Variants in REC114 observed in about 807,000 individuals in gnomAD.
REC114 encodes the protein REC114 meiotic recombination protein.
REC114 carries 27 observed loss-of-function variants against 31.3 expected under a neutral mutation model. The observed-to-expected ratio is 0.86, with a 90% CI of 0.64 to 1.19. The LOEUF is 1.19. REC114 is among the 50% of genes most tolerant of loss of function. The pLI is 0.00. For missense variants in REC114, 344 were observed against 326.9 expected, an observed-to-expected ratio of 1.05 and a Z score of -0.40; for synonymous variants, 134 against 127.7, an observed-to-expected ratio of 1.05 and a Z score of -0.33.
At chr15:73,522,639 G>T (rs1893951831) in intron 2 of REC114, among the ~76,000 whole-genome samples, 1 of 152,076 alleles carries the variant, frequency 6.6e-6, no homozygotes, top group Non-Finnish European at 1.5e-5. Flanking sequence ...CTGTTGAGTT[G>T]TATATCACTA....
chr15:73,498,629 T>A (rs1893560686), intron 2 of REC114, among the ~76,000 whole-genome samples: 1 of 152,174 alleles, frequency 6.6e-6, no homozygotes, highest in South Asian at 2.1e-4. Context: ...TTGTTCAACA[T>A]TTGTAACTAA....
At chr15:73,535,415 T>TC (rs200126222) in intron 2 of REC114, among the ~76,000 whole-genome samples, 17,266 of 151,680 alleles carry the variant, frequency 0.11, 1,358 homozygotes, top group African/African-American at 0.22. Flanking sequence ...ATGAGTGAAC[T>TC]CCATTCACAA....
rs189609079 is a variant in REC114 at position 73,549,556 on chromosome 15, T to C, written c.334-1382T>C. Among the ~76,000 whole-genome samples the C allele has an allele frequency of 5.3e-5, 8 of 152,300 alleles. No homozygotes were observed. In the East Asian group the frequency reaches 1.2e-3, roughly 22 times the overall value. ...TTTTCCATGATGTGATTATTACTCATTGAATGCCTGTATCAAAACATCTCA... is the reference window on the plus strand; with the variant it reads ...TTTTCCATGATGTGATTATTACTCACTGAATGCCTGTATCAAAACATCTCA... On this transcript the variant is annotated intron_variant, in intron 3 of 5. Transcript: ENST00000331090.
At chr15:73,538,986 T>A (rs1234056501) in intron 2 of REC114, among the ~76,000 whole-genome samples, 1 of 151,954 alleles carries the variant, frequency 6.6e-6, no homozygotes, top group East Asian at 1.9e-4. Flanking sequence ...ATTCCCGGCA[T>A]TGGGATTGCT....
chr15:73,556,888 G>T (rs1894476341), intron 5 of REC114, among the ~76,000 whole-genome samples: 1 of 151,940 alleles, frequency 6.6e-6, no homozygotes, highest in Non-Finnish European at 1.5e-5. Context: ...ACAGCCCCTT[G>T]CCCCCTGCTG....
intron 2 of REC114, among the ~76,000 whole-genome samples, chr15:73,509,324 G>GT (rs1291542751): frequency 6.8e-6 from 1 of 147,302 alleles, no homozygotes; most frequent in Non-Finnish European, 1.5e-5. Context: ...TGAGTTCATT[G>GT]TAGATTCTGG....
chr15:73,469,848 C>G (rs1400086402), intron 1 of REC114, among the ~76,000 whole-genome samples: 1 of 151,970 alleles, frequency 6.6e-6, no homozygotes, highest in Admixed American at 6.5e-5. Flanking sequence ...CCATGCCCGG[C>G]TAATTTTTTG....
intron 3 of REC114, among the ~76,000 whole-genome samples, chr15:73,546,547 T>G (rs955276674): frequency 1.3e-4 from 20 of 151,746 alleles, no homozygotes; most frequent in African/African-American, 4.4e-4. Flanking sequence ...TATTTGATGT[T>G]AAATTAAAAA....
At chr15:73,541,852 T>G (rs1464133177) in intron 3 of REC114, among the ~76,000 whole-genome samples, 1 of 152,142 alleles carries the variant, frequency 6.6e-6, no homozygotes. Context: ...TTACTAAAAT[T>G]TTAAACTAAC....
chr15:73,485,085 A>G lies in REC114; in HGVS notation c.249+11164A>G, dbSNP rs1202796219. On this transcript the variant is annotated intron_variant, in intron 2 of 5. Transcript: ENST00000331090. ...TTAAAGTCAAGTTATTCATACCATT[A>G]AACTATTTATTTAATATTTATTTTG... 2.6e-5 allele frequency among the ~76,000 whole-genome samples: 4 copies of G among 152,290 alleles called. No homozygotes were observed. The East Asian group carries it at 5.8e-4, about 22-fold the overall frequency.
At chr15:73,508,796 A>G (rs1271329323) in intron 2 of REC114, among the ~76,000 whole-genome samples, 1 of 151,666 alleles carries the variant, frequency 6.6e-6, no homozygotes, top group Non-Finnish European at 1.5e-5. Flanking sequence ...ATGGCTGCAT[A>G]GTATTCCATG....
chr15:73,453,374 G>A lies in REC114; in HGVS notation c.159+10030G>A, dbSNP rs368568743. ...CCAACAAATATATGTAAAAAAGCTC[G>A]TCATCACTGGTCATTAGAGCAATGC... On this transcript the variant is annotated intron_variant, in intron 1 of 5. Coordinates refer to ENST00000331090, the MANE Select transcript of REC114 (RefSeq NM_001042367.2). Among the ~76,000 whole-genome samples the A allele has an allele frequency of 4.6e-5, 7 of 152,150 alleles. No individual in the cohort carries two copies. In the East Asian group the frequency reaches 5.8e-4, roughly 13 times the overall value.
chr15:73,451,980 A>G (rs1892856490), intron 1 of REC114, among the ~76,000 whole-genome samples: 1 of 152,222 alleles, frequency 6.6e-6, no homozygotes. Context: ...GATAGACTGT[A>G]TCTCCAAATA....
At chr15:73,483,428 A>G (rs1389311970) in intron 2 of REC114, 1 of 153,010 alleles carries the variant, frequency 6.5e-6, no homozygotes, top group Non-Finnish European at 1.5e-5. Context: ...GTGTCTTCTC[A>G]GAGACATCAT....
At chr15:73,447,059 T>C (rs1449153982) in intron 1 of REC114, among the ~76,000 whole-genome samples, 1 of 152,030 alleles carries the variant, frequency 6.6e-6, no homozygotes, top group African/African-American at 2.4e-5. Flanking sequence ...TGGTGATTGA[T>C]TGTATATGGG....
chr15:73,548,781 A>G (rs907293523), intron 3 of REC114, among the ~76,000 whole-genome samples: 1 of 152,212 alleles, frequency 6.6e-6, no homozygotes, highest in Non-Finnish European at 1.5e-5. Context: ...CATGGAATCA[A>G]CCTAAGTGCC....
At chr15:73,462,746 A>T (rs1349749323) in intron 1 of REC114, among the ~76,000 whole-genome samples, 2 of 152,018 alleles carry the variant, frequency 1.3e-5, no homozygotes, top group East Asian at 3.9e-4. Context: ...TTAGCCGGGC[A>T]TGGTAGCGGG....
intron 1 of REC114, among the ~76,000 whole-genome samples, chr15:73,470,462 A>G (rs1893118555): frequency 6.6e-6 from 1 of 152,156 alleles, no homozygotes; most frequent in Non-Finnish European, 1.5e-5. Context: ...ATTCTTTCTG[A>G]AGACATCTTT....
intron 2 of REC114, among the ~76,000 whole-genome samples, chr15:73,523,673 C>CTGATA (rs1893967399): frequency 1.3e-5 from 2 of 152,088 alleles, no homozygotes; most frequent in Admixed American, 1.3e-4. Flanking sequence ...CTTAACGTTG[C>CTGATA]CTTTGGAAGA....
Sources: allele counts gnomAD v4.1 joint callset (sites outside exome capture counted in the v4.1 genomes callset), GRCh38; gene constraint gnomAD v4.1.1; transcripts MANE v1.5; gene names NCBI Gene and HGNC (gene_info 2026-07-23, HGNC 2026-07-21).